Variants in TGFBR3 observed in about 807,000 individuals in gnomAD.
The protein encoded by TGFBR3 is transforming growth factor beta receptor type 3.
Under a neutral mutation model 87.9 loss-of-function variants are expected in TGFBR3, and 46 were observed. The ratio of observed to expected loss-of-function variants is 0.52; its 90% CI spans 0.41 to 0.67. TGFBR3 has a LOEUF of 0.67. Among genes scored for constraint, TGFBR3 ranks in the 30% least tolerant of loss-of-function variants. The pLI is 0.00. For synonymous variants in TGFBR3, 381 were observed against 391.6 expected, an observed-to-expected ratio of 0.97 and a Z score of 0.32; for missense variants, 866 against 1,041.9, an observed-to-expected ratio of 0.83 and a Z score of 2.32.
In TGFBR3 at chr1:91,716,666, G is replaced by A; in HGVS notation, c.1609C>T (p.Pro537Ser). Residue 537 changes from proline (P) to serine (S), a missense_variant, in exon 11 of 17, where the codon CCA (proline) becomes TCA (serine). By Grantham distance (74) the Pro-to-Ser change is moderately conservative (BLOSUM62 -1). Coordinates refer to ENST00000212355, the MANE Select transcript of TGFBR3 (RefSeq NM_003243.5). ...GACTCCAGATCTTCATAACCATCTG[G>A]CCAACCACTACTGTCCCCAAGGGCT... ...VPALGDSSGW[P>S]DGYEDLESGD... 6.2e-7 allele frequency: 1 copy of A among 1,614,006 alleles called. No individual in the cohort carries two copies. The highest frequency in any genetic ancestry group is 8.5e-7 in the Non-Finnish European group (1 of 1,179,990).
upstream of TGFBR3, among the ~76,000 whole-genome samples, chr1:91,887,236 CTTTTTT>C (rs71087977): frequency 2.4e-4 from 10 of 41,414 alleles, no homozygotes; most frequent in East Asian, 1.6e-3. Context: ...GGACCTATGC[CTTTTTT>C]TTTTTTTTTT....
At chr1:91,695,838 A>C (rs1671420276) in intron 15 of TGFBR3, 59 bp from the exon 16 acceptor site, 1 of 1,336,886 alleles carries the variant, frequency 7.5e-7, no homozygotes, top group Non-Finnish European at 1.1e-6. Context: ...CATGCATTGC[A>C]ATTTTATATT....
intron 3 of TGFBR3, among the ~76,000 whole-genome samples, chr1:91,761,158 G>C (rs998094931): frequency 6.6e-6 from 1 of 152,044 alleles, no homozygotes; most frequent in Non-Finnish European, 1.5e-5. Flanking sequence ...CAGAAGTTTC[G>C]GTCAAAATAT....
intron 3 of TGFBR3, among the ~76,000 whole-genome samples, chr1:91,779,844 G>C (rs11165483): frequency 0.013 from 1,985 of 152,274 alleles, 53 homozygotes; most frequent in African/African-American, 0.045. Flanking sequence ...CTGGAGGCCA[G>C]AAGTCCAAAA....
chr1:91,722,227 T>C, intron 7 of TGFBR3, 83 bp from the exon 8 acceptor site: 3 of 1,105,818 alleles, frequency 2.7e-6, no homozygotes, highest in Non-Finnish European at 4.0e-6. Context: ...CTTAAATAAG[T>C]AGATTCTATA....
At chr1:91,902,223 T>G (rs950049740) in intron 1 of TGFBR3, among the ~76,000 whole-genome samples, 1 of 151,646 alleles carries the variant, frequency 6.6e-6, no homozygotes, top group Admixed American at 6.6e-5. Context: ...ACTCCTCCAT[T>G]AGAGAACATA....
At chr1:91,761,302 T>G (rs1176559223) in intron 3 of TGFBR3, among the ~76,000 whole-genome samples, 4 of 152,210 alleles carry the variant, frequency 2.6e-5, no homozygotes, top group Admixed American at 2.6e-4. Context: ...TGGTCAAAAG[T>G]GCTGAGGCCT....
chr1:91,869,969 A>C (rs1446357672), intron 1 of TGFBR3, among the ~76,000 whole-genome samples: 1 of 152,214 alleles, frequency 6.6e-6, no homozygotes, highest in Non-Finnish European at 1.5e-5. Context: ...GAAATGCATA[A>C]TTATGTAAAG....
Position 91,680,447 on chromosome 1 carries a change from GAAC to G in TGFBR3, c.*3289_*3291del, listed in dbSNP as rs1670869387. ...ATCTTCACAAAATAGCTGACACACT[GAAC>G]AGAGAAAAGAATACAACAGGGGTGT... On this transcript the variant is annotated 3_prime_UTR_variant, in exon 17 of 17. Transcript: ENST00000212355. 1 of 453,874 alleles carries G rather than the reference GAAC, an allele frequency of 2.2e-6. No individual in the cohort carries two copies. The highest frequency in any genetic ancestry group is 4.4e-6 in the Non-Finnish European group (1 of 226,766). 28.1% of individuals were successfully genotyped at this position (453,874 alleles called of 1,614,324 possible).
At chr1:91,820,727 A>G (rs1571543631) in intron 2 of TGFBR3, among the ~76,000 whole-genome samples, 1 of 152,316 alleles carries the variant, frequency 6.6e-6, no homozygotes. Flanking sequence ...GGGTGTATCT[A>G]TATCATGAAA....
At chr1:91,810,684 A>C (rs1675999092) in intron 2 of TGFBR3, among the ~76,000 whole-genome samples, 2 of 152,190 alleles carry the variant, frequency 1.3e-5, no homozygotes, top group South Asian at 4.1e-4. Flanking sequence ...TCCTACGTTT[A>C]ATCCCAGCGC....
intron 2 of TGFBR3, among the ~76,000 whole-genome samples, chr1:91,849,335 C>T (rs1677629709): frequency 6.6e-6 from 1 of 152,202 alleles, no homozygotes; most frequent in Non-Finnish European, 1.5e-5. Context: ...TCTCCCACCC[C>T]TCAGTTAACT....
At chr1:91,797,567 G>C (rs2101006168) in intron 2 of TGFBR3, 96 bp from the exon 3 acceptor site, 2 of 1,366,654 alleles carry the variant, frequency 1.5e-6, no homozygotes, top group Non-Finnish European at 2.1e-6. Flanking sequence ...ACCCACCAGA[G>C]ATGCCTTTCC....
chr1:91,811,885 T>TC (rs1192288131), intron 2 of TGFBR3, among the ~76,000 whole-genome samples: 3 of 149,806 alleles, frequency 2.0e-5, no homozygotes, highest in Non-Finnish European at 4.4e-5. Flanking sequence ...AAAGCTGATT[T>TC]CCCTTTTTTT....
intron 16 of TGFBR3, among the ~76,000 whole-genome samples, chr1:91,692,250 G>A (rs1038502465): frequency 1.3e-5 from 2 of 152,150 alleles, no homozygotes; most frequent in Non-Finnish European, 2.9e-5. Flanking sequence ...TAGAGCAAAG[G>A]TGTAAACCTG....
chr1:91,741,118 T>C (rs190236997), intron 4 of TGFBR3, among the ~76,000 whole-genome samples: 5 of 152,330 alleles, frequency 3.3e-5, no homozygotes, highest in Admixed American at 1.3e-4. Context: ...TACCTGGAGA[T>C]AGGTCAGACC....
rs116937670 is a variant in TGFBR3, at chr1:91,852,511, C to T, written c.61+8960G>A. ...AGGTGCTTCATCACACTTGGCTGTG[C>T]ACAATATCCTCAAAGGGAATACACT... On this transcript the variant is annotated intron_variant, in intron 2 of 16. Coordinates refer to ENST00000212355, the MANE Select transcript of TGFBR3 (RefSeq NM_003243.5). 2.4e-4 allele frequency among the ~76,000 whole-genome samples: 37 copies of T among 152,334 alleles called. 2 individuals carry two copies. The East Asian group carries it at 7.2e-3, about 29-fold the overall frequency.
rs1557661368 is a variant in TGFBR3 at position 91,695,703 on chromosome 1, C to CTTT, written c.2405_2406insAAA (p.Thr802_Gly803insLys). 6.2e-7 allele frequency: 1 copy of CTTT among 1,614,184 alleles called. No individual in the cohort carries two copies. The highest frequency in any genetic ancestry group is 2.2e-5 in the East Asian group (1 of 44,886). ...GAGAATAGATGTACCACAAGGCCCC[C>CTTT]GTCAGGAGTGCTCCGATCACAAAGG... On this transcript the variant is annotated inframe_insertion, in exon 16 of 17. Transcript: ENST00000212355.
chr1:91,680,918 G>A lies in TGFBR3; in HGVS notation c.*2821C>T, dbSNP rs1052339015. The A allele has an allele frequency of 2.2e-6, 1 of 454,010 alleles. No individual in the cohort carries two copies. The highest frequency in any genetic ancestry group is 1.6e-5 in the South Asian group (1 of 64,440). The allele number at this position is 454,010 out of a possible 1,614,324, so 28.1% of individuals were successfully genotyped here. On this transcript the variant is annotated 3_prime_UTR_variant, in exon 17 of 17. Transcript: ENST00000212355. ...AACAGTTTAGACAGAAGAAATCTCT[G>A]GCTTTTTAAAATACAGAGTAACAGC...
Sources: allele counts gnomAD v4.1 joint callset (sites outside exome capture counted in the v4.1 genomes callset), GRCh38; gene constraint gnomAD v4.1.1; transcripts MANE v1.5; gene names NCBI Gene and HGNC (gene_info 2026-07-23, HGNC 2026-07-21).